The following NAB1 variants were observed in gnomAD, a reference collection of about 807,000 sequenced individuals.
The protein encoded by NAB1 is NGFI-A-binding protein 1.
NAB1 carries 25 observed loss-of-function variants against 49.9 expected under a neutral mutation model. The observed-to-expected ratio is 0.50, with a 90% CI of 0.37 to 0.70. The LOEUF (loss-of-function observed/expected upper bound fraction) is 0.70. Ranked by LOEUF, NAB1 falls within the 30% of genes least tolerant of loss-of-function variation. NAB1 has a pLI of 0.00. For synonymous variants in NAB1, 198 were observed against 215.6 expected (o/e 0.92, Z 0.71); for missense variants, 489 against 575.9 (o/e 0.85, Z 1.54).
At chr2:190,650,143 A>G (rs1468577723) in intron 2 of NAB1, among the ~76,000 whole-genome samples, 161 bp downstream of exon 2, 4 of 152,214 alleles carry the variant, frequency 2.6e-5, no homozygotes, top group East Asian at 1.9e-4. Context: ...GATGGAATAT[A>G]CATTTGTCGA....
In NAB1 at chr2:190,685,434, G is replaced by C. The variant is rs773550542; in HGVS notation, c.1096-42G>C. 25 of 1,534,244 alleles carry C rather than the reference G, an allele frequency of 1.6e-5. No homozygotes were observed. In the South Asian group the frequency reaches 2.9e-4, roughly 18 times the overall value. On this transcript the variant is annotated intron_variant, in intron 7 of 9. Coordinates refer to ENST00000337386, the MANE Select transcript of NAB1 (RefSeq NM_005966.4). This position sits in a 1 kb window ranked among gnomAD's most constrained non-coding sequence, Gnocchi z 4.5. ...CATCTTTAAACCATTAAAAAATCTA[G>C]AATGTTTCAGTTACTGATTTGATTT...
At chr2:190,683,910 A>C in intron 7 of NAB1, 83 bp downstream of exon 7, 1 of 1,104,284 alleles carries the variant, frequency 9.1e-7, no homozygotes, top group Non-Finnish European at 1.3e-6. Flanking sequence ...CTTCAGTTTT[A>C]AGTATCTGAG....
rs751084673 is a variant in NAB1 at position 190,659,185 on chromosome 2, G to A, written c.9G>A (p.Ala3=). The change falls in exon 4 of 10, where the codon GCG becomes GCA. Residue 3 remains alanine, a synonymous_variant. Transcript: ENST00000337386. This position sits in a 1 kb window ranked among gnomAD's most constrained non-coding sequence, Gnocchi z 6.2. MA[A]ALPRTLGELQ... Reference sequence around the variant, plus strand: ...TAAACCCATCCAGAGTAATGGCTGCGGCCTTACCCAGGACCCTGGGGGAGT... The same window carrying A: ...TAAACCCATCCAGAGTAATGGCTGCAGCCTTACCCAGGACCCTGGGGGAGT... 1.3e-5 allele frequency: 21 copies of A among 1,610,132 alleles called. No homozygotes were observed. The highest frequency in any genetic ancestry group is 8.1e-5 in the African/African-American group (6 of 74,186).
Position 190,685,635 on chromosome 2 carries a change from C to G in NAB1, c.1255C>G (p.Gln419Glu). ...NGLTSDNSDG[Q>E]GERPLNLRMP... ...CTTGACTTCCGATAACTCAGATGGACAAGGTACATCTTTAGAATATCCTAT... is the reference window on the plus strand; with the variant it reads ...CTTGACTTCCGATAACTCAGATGGAGAAGGTACATCTTTAGAATATCCTAT... The change falls in exon 8 of 10, where the codon CAA becomes GAA. Residue 419 changes from glutamine to glutamate, a missense_variant. Physicochemically the swap from Gln to Glu is conservative, Grantham distance 29. Around this residue, in one of 4 missense-constraint regions of NAB1, gnomAD observed 212 missense variants for 199.3 expected, o/e 1.06. Coordinates refer to ENST00000337386, the MANE Select transcript of NAB1 (RefSeq NM_005966.4). This position sits in a 1 kb window ranked among gnomAD's most constrained non-coding sequence, Gnocchi z 4.5. 3 of 1,601,754 alleles carry G rather than the reference C, an allele frequency of 1.9e-6. No individual in the cohort carries two copies. The highest frequency in any genetic ancestry group is 2.6e-6 in the Non-Finnish European group (3 of 1,174,542).
Position 190,676,559 on chromosome 2 carries a change from T to C in NAB1, c.1005+3407T>C, listed in dbSNP as rs1224800356. 6.6e-6 allele frequency among the ~76,000 whole-genome samples: 1 copy of C among 152,058 alleles called. No individual in the cohort carries two copies. The highest frequency in any genetic ancestry group is 1.5e-5 in the Non-Finnish European group (1 of 68,022). ...GCCTGGGCAACATGGCAAAACCCCATCCTTACAAAAATTAGCCAGGCATGA... is the reference window on the plus strand; with the variant it reads ...GCCTGGGCAACATGGCAAAACCCCACCCTTACAAAAATTAGCCAGGCATGA... On this transcript the variant is annotated intron_variant, in intron 6 of 9. Coordinates refer to ENST00000337386, the MANE Select transcript of NAB1 (RefSeq NM_005966.4). This position sits in a 1 kb window ranked among gnomAD's most constrained non-coding sequence, Gnocchi z 4.6.
intron 6 of NAB1, among the ~76,000 whole-genome samples, chr2:190,681,449 C>T (rs1195199215): frequency 1.3e-5 from 2 of 152,002 alleles, no homozygotes; most frequent in Non-Finnish European, 2.9e-5. Context: ...TATAAGAAAA[C>T]TGGAATGGCT....
At position 190,670,999 on chromosome 2, in the gene NAB1, A is replaced by C. The variant is rs1470060338; in HGVS notation, c.953+540A>C. On this transcript the variant is annotated intron_variant, in intron 5 of 9. Coordinates refer to ENST00000337386, the MANE Select transcript of NAB1 (RefSeq NM_005966.4). This position sits in a 1 kb window ranked among gnomAD's most constrained non-coding sequence, Gnocchi z 5.3. ...GATGTTAAAAAGCAATGGTGGTTTCAAAATTTAATGTAAACACAGCATATT... is the reference window on the plus strand; with the variant it reads ...GATGTTAAAAAGCAATGGTGGTTTCCAAATTTAATGTAAACACAGCATATT... Among the ~76,000 whole-genome samples the C allele has an allele frequency of 6.6e-6, 1 of 152,212 alleles. No individual in the cohort carries two copies. Among genetic ancestry groups the C allele is most frequent in the Non-Finnish European group, 1.5e-5 (1 of 68,034 alleles).
At chr2:190,665,618 G>A (rs1033470861) in intron 4 of NAB1, among the ~76,000 whole-genome samples, 3 of 152,072 alleles carry the variant, frequency 2.0e-5, no homozygotes, top group African/African-American at 2.4e-5. Context: ...TTGGAGTCCC[G>A]GGAAGAAAGT....
chr2:190,688,202 T>C (rs1438602884), intron 9 of NAB1, among the ~76,000 whole-genome samples: 1 of 152,190 alleles, frequency 6.6e-6, no homozygotes, highest in Non-Finnish European at 1.5e-5. Context: ...AATAAATAGC[T>C]CCAAATTTGC....
rs1695187900 is a variant in NAB1, at chr2:190,678,679, TG to T, written c.1006-5054del. Among the ~76,000 whole-genome samples, 1 of 92,554 alleles carries T rather than the reference TG, an allele frequency of 1.1e-5. No individual in the cohort carries two copies. Among genetic ancestry groups the T allele is most frequent in the East Asian group, 2.9e-4 (1 of 3,408 alleles). 60.7% of individuals were successfully genotyped at this position (92,554 alleles called of 152,430 possible). ...ACATCTGCTAGCAGTTCCAGCAAGG[TG>T]GGGGTGGGAGAGCAAGGAAGGGGGA... On this transcript the variant is annotated intron_variant, in intron 6 of 9. Coordinates refer to ENST00000337386, the MANE Select transcript of NAB1 (RefSeq NM_005966.4). This position sits in a 1 kb window ranked among gnomAD's most constrained non-coding sequence, Gnocchi z 4.9.
In NAB1 at chr2:190,659,931, A is replaced by C. The variant is rs1322870861; in HGVS notation, c.755A>C (p.Tyr252Ser). 6.2e-7 allele frequency: 1 copy of C among 1,614,244 alleles called. No individual in the cohort carries two copies. Among genetic ancestry groups the C allele is most frequent in the Admixed American group, 1.7e-5 (1 of 60,028 alleles). Residue 252 changes from tyrosine to serine, a missense_variant, in exon 4 of 10, where the codon TAC (tyrosine) becomes TCC (serine). Coordinates refer to ENST00000337386, the MANE Select transcript of NAB1 (RefSeq NM_005966.4). The surrounding 1 kb of genome is among the most constrained non-coding windows in gnomAD (Gnocchi z 6.2). ...CACAAAGAGGAGGAAATTCGGAAAT[A>C]CAGTGCAATATATGGCAGATTTGAC... ...DPHKEEEIRK[Y>S]SAIYGRFDSK...
chr2:190,680,090 C>T lies in NAB1; in HGVS notation c.1006-3648C>T, dbSNP rs1335018261. ...CACCTGCCACTGTCCAGGGCTGGGC[C>T]TTCACCAGCAGCCCTCTAACCAGTG... On this transcript the variant is annotated intron_variant, in intron 6 of 9. Transcript: ENST00000337386. This position sits in a 1 kb window ranked among gnomAD's most constrained non-coding sequence, Gnocchi z 5.2. Among the ~76,000 whole-genome samples, 1 of 152,190 alleles carries T rather than the reference C, an allele frequency of 6.6e-6. No homozygotes were observed. The highest frequency in any genetic ancestry group is 1.5e-5 in the Non-Finnish European group (1 of 68,030).
In NAB1 at chr2:190,670,459, A is replaced by G; in HGVS notation, c.953A>G (p.Lys318Arg). The G allele has an allele frequency of 6.2e-7, 1 of 1,613,280 alleles. No homozygotes were observed. The highest frequency in any genetic ancestry group is 8.5e-7 in the Non-Finnish European group (1 of 1,179,628). The change falls in exon 5 of 10, where the codon AAG becomes AGG. Residue 318 changes from lysine (K) to arginine (R), a missense_variant and splice_region_variant. Physicochemically the swap from Lys to Arg is conservative, Grantham distance 26. This residue lies in a region of NAB1 where 212 missense variants were observed against 199.3 expected (regional missense o/e 1.06). Coordinates refer to ENST00000337386, the MANE Select transcript of NAB1 (RefSeq NM_005966.4). The surrounding 1 kb of genome is among the most constrained non-coding windows in gnomAD (Gnocchi z 5.3). ...VTYKYTYRTTKSKCGERDELS... is the reference protein window; with the variant it reads ...VTYKYTYRTTRSKCGERDELS... ...TATAAATATACTTACAGAACCACCA[A>G]GTAAGTATTTAACTAATCGTCATTA...
At position 190,659,136 on chromosome 2, in the gene NAB1, CT is replaced by C. The variant is rs369860117; in HGVS notation, c.-19-6del. Reference sequence around the variant, plus strand: ...TTGAAGCAAGTATGATGAGTTTTTACTTTTTTTTTTTTTTTTGGCAGGTTAA... The same window carrying C: ...TTGAAGCAAGTATGATGAGTTTTTACTTTTTTTTTTTTTTTGGCAGGTTAA... On this transcript the variant is annotated intron_variant, in intron 3 of 9. Transcript: ENST00000337386. This position sits in a 1 kb window ranked among gnomAD's most constrained non-coding sequence, Gnocchi z 6.2. The C allele has an allele frequency of 0.16, 179,321 of 1,099,792 alleles. No individual in the cohort carries two copies. The highest frequency in any genetic ancestry group is 0.18 in the Non-Finnish European group (142,849 of 807,366). 68.1% of individuals were successfully genotyped at this position (1,099,792 alleles called of 1,614,324 possible). A position where few individuals can be genotyped will look rare whatever the true frequency, so the allele number is the denominator to read the frequency against.
In NAB1 at chr2:190,666,810, G is replaced by A. The variant is rs983279359; in HGVS notation, c.820-3516G>A. Reference sequence around the variant, plus strand: ...GGAGGAAATAAGTAAACCAGTAAGGGAGAATATCTTGTTACTTTATCCTTT... The same window carrying A: ...GGAGGAAATAAGTAAACCAGTAAGGAAGAATATCTTGTTACTTTATCCTTT... On this transcript the variant is annotated intron_variant, in intron 4 of 9. Transcript: ENST00000337386. The surrounding 1 kb of genome is among the most constrained non-coding windows in gnomAD (Gnocchi z 5.6). Among the ~76,000 whole-genome samples the A allele has an allele frequency of 6.6e-6, 1 of 152,222 alleles. No individual in the cohort carries two copies. The highest frequency in any genetic ancestry group is 1.5e-5 in the Non-Finnish European group (1 of 68,036).
At position 190,654,441 on chromosome 2, in the gene NAB1, C is replaced by T. The variant is rs1693821243; in HGVS notation, c.-196-1536C>T. The stretch of plus-strand genomic sequence containing the variant: ...AGAGAAGGGAGATGACAGCTGCAGC[C>T]AGGGGTAGTGGGAAAGACATTTTGG... On this transcript the variant is annotated intron_variant, in intron 2 of 9. Coordinates refer to ENST00000337386, the MANE Select transcript of NAB1 (RefSeq NM_005966.4). The surrounding 1 kb of genome is among the most constrained non-coding windows in gnomAD (Gnocchi z 5.6). Among the ~76,000 whole-genome samples the T allele has an allele frequency of 6.6e-6, 1 of 152,068 alleles. No homozygotes were observed. Among genetic ancestry groups the T allele is most frequent in the Admixed American group, 6.5e-5 (1 of 15,268 alleles).
chr2:190,688,671 C>A (rs181229030), intron 9 of NAB1, among the ~76,000 whole-genome samples: 1 of 152,282 alleles, frequency 6.6e-6, no homozygotes, highest in African/African-American at 2.4e-5. Context: ...TTACATATTT[C>A]ATGGAGATAT....
chr2:190,660,499 T>C (rs1335551268), intron 4 of NAB1, among the ~76,000 whole-genome samples: 1 of 152,232 alleles, frequency 6.6e-6, no homozygotes, highest in Non-Finnish European at 1.5e-5. Flanking sequence ...TAAACATTTT[T>C]ATTTTATCTT....
intron 4 of NAB1, among the ~76,000 whole-genome samples, chr2:190,668,605 A>G (rs915252883): frequency 6.6e-6 from 1 of 152,256 alleles, no homozygotes; most frequent in African/African-American, 2.4e-5. Flanking sequence ...TTGTATGTAC[A>G]TATATACTTA....
Sources: allele counts gnomAD v4.1 joint callset (sites outside exome capture counted in the v4.1 genomes callset), GRCh38; gene constraint gnomAD v4.1.1; regional missense constraint gnomAD v4.1.1; non-coding constraint Gnocchi (gnomAD v3.1); transcripts MANE v1.5; gene names NCBI Gene and HGNC (gene_info 2026-07-23, HGNC 2026-07-21).